Variants in NEK1 observed in about 807,000 individuals in gnomAD.
The protein encoded by NEK1 is NIMA related kinase 1.
In NEK1, 137 loss-of-function variants were observed where a neutral mutation model predicts 182.1. The observed-to-expected ratio is 0.75, with a 90% CI of 0.65 to 0.87. The LOEUF (loss-of-function observed/expected upper bound fraction) is 0.87, where lower values mean the gene tolerates loss of function less well. Ranked by LOEUF, NEK1 falls within the 40% of genes least tolerant of loss-of-function variation. The pLI is 0.00. For missense variants in NEK1, 1,391 were observed against 1,494.4 expected (o/e 0.93, Z 1.14); for synonymous variants, 513 against 492.2 (o/e 1.04, Z -0.56).
intron 27 of NEK1, among the ~76,000 whole-genome samples, chr4:169,460,875 C>A (rs1453815897): frequency 6.6e-6 from 1 of 152,030 alleles, no homozygotes; most frequent in Non-Finnish European, 1.5e-5. Context: ...AGTCATAAGA[C>A]AAACTGTTAT....
rs1169580978 is a variant in NEK1, at chr4:169,443,268, A to G, written c.2588-5009T>C. The stretch of plus-strand genomic sequence containing the variant: ...GAGGTCAAGGCTGCAGTAAGCTGTG[A>G]TCACAGCACTGCCACTGCACTCCAG... On this transcript the variant is annotated intron_variant, in intron 27 of 35. Transcript: ENST00000507142. Among the ~76,000 whole-genome samples the G allele has an allele frequency of 2.6e-5, 4 of 151,904 alleles. 1 individual carries two copies. The highest frequency in any genetic ancestry group is 6.6e-5 in the Admixed American group (1 of 15,232).
intron 5 of NEK1, among the ~76,000 whole-genome samples, chr4:169,594,844 C>T (rs2150111444): frequency 6.6e-6 from 1 of 152,214 alleles, no homozygotes; most frequent in South Asian, 2.1e-4. Context: ...TTAGAGAAGG[C>T]CCTGGAGATT....
At chr4:169,524,356 TGGAAGGCTA>T (rs904836856) in intron 19 of NEK1, among the ~76,000 whole-genome samples, 7 of 150,318 alleles carry the variant, frequency 4.7e-5, no homozygotes, top group African/African-American at 1.7e-4. Flanking sequence ...CCCAGCTACT[TGGAAGGCTA>T]AAGCAGAATT....
chr4:169,552,276 C>T (rs1014023296), intron 18 of NEK1, among the ~76,000 whole-genome samples: 2 of 151,656 alleles, frequency 1.3e-5, no homozygotes, highest in African/African-American at 4.8e-5. Context: ...TAAAATACAG[C>T]TGTTTCAACA....
At chr4:169,576,352 GTGTATA>G (rs769457805) in intron 12 of NEK1, among the ~76,000 whole-genome samples, 2 of 152,178 alleles carry the variant, frequency 1.3e-5, no homozygotes, top group East Asian at 1.9e-4. Context: ...ATCTAAGGCT[GTGTATA>G]TGTATATGTA....
rs375583754 is a variant in NEK1 at position 169,599,181 on chromosome 4, G to A, written c.231C>T (p.Tyr77=). The A allele has an allele frequency of 6.2e-7, 1 of 1,610,834 alleles. No individual in the cohort carries two copies. The highest frequency in any genetic ancestry group is 8.5e-7 in the Non-Finnish European group (1 of 1,178,066). ...CTCCCTCACAGTAATCCATTACTAT[G>A]TAGAGAGAGCCATTTTCTACAAAAT... The part of the protein sequence containing the change: ...RESFEENGSL[Y]IVMDYCEGGD... Residue 77 remains tyrosine, a synonymous_variant, in exon 5 of 36, where the codon TAC becomes TAT. Coordinates refer to ENST00000507142, the MANE Select transcript of NEK1 (RefSeq NM_001199397.3).
At chr4:169,400,079 A>G (rs1731392735) in intron 35 of NEK1, 146 bp downstream of exon 35, 2 of 815,086 alleles carry the variant, frequency 2.5e-6, no homozygotes, top group Non-Finnish European at 2.1e-6. Flanking sequence ...GTACATGACA[A>G]AGTTAATTTT....
rs1364826306 is a variant in NEK1, at chr4:169,438,199, C to T, written c.2648G>A (p.Cys883Tyr). 5.0e-6 allele frequency: 8 copies of T among 1,586,602 alleles called. No individual in the cohort carries two copies. Among genetic ancestry groups the T allele is most frequent in the East Asian group, 2.3e-5 (1 of 44,230 alleles). Residue 883 changes from cysteine to tyrosine, a missense_variant, in exon 28 of 36, where the codon TGT (cysteine) becomes TAT (tyrosine). By Grantham distance (194) the Cys-to-Tyr change is radical (BLOSUM62 -2). Coordinates refer to ENST00000507142, the MANE Select transcript of NEK1 (RefSeq NM_001199397.3). ...PLITGEKKVQ[C>Y]ISHEINPSAI... ...TGATGGGTTTATTTCATGTGAAATA[C>T]ATTGTACTTTTTTTTCTCCAGTAAT...
chr4:169,430,234 G>C (rs1737169121), intron 29 of NEK1, among the ~76,000 whole-genome samples: 1 of 152,092 alleles, frequency 6.6e-6, no homozygotes, highest in Non-Finnish European at 1.5e-5. Flanking sequence ...CTAGGCTGGA[G>C]TACAGTGGCG....
chr4:169,490,534 G>T (rs955342790), intron 23 of NEK1, among the ~76,000 whole-genome samples: 1 of 151,934 alleles, frequency 6.6e-6, no homozygotes, highest in African/African-American at 2.4e-5. Flanking sequence ...ATGATCTTAC[G>T]GAAACTCAGG....
At chr4:169,537,557 T>C (rs1758708015) in intron 19 of NEK1, among the ~76,000 whole-genome samples, 1 of 152,170 alleles carries the variant, frequency 6.6e-6, no homozygotes, top group African/African-American at 2.4e-5. Context: ...AGGATACAGG[T>C]ATGAACTTAC....
chr4:169,451,785 T>A (rs1741829011), intron 27 of NEK1, among the ~76,000 whole-genome samples: 2 of 151,964 alleles, frequency 1.3e-5, no homozygotes, highest in Non-Finnish European at 2.9e-5. Context: ...ATAACTAAGA[T>A]CAGAGCAGAA....
intron 35 of NEK1, among the ~76,000 whole-genome samples, chr4:169,396,191 C>A (rs1401555669): frequency 1.3e-5 from 2 of 151,462 alleles, no homozygotes; most frequent in Non-Finnish European, 2.9e-5. Context: ...CATGGTGAAA[C>A]CCTGTCTCTA....
At position 169,507,730 on chromosome 4, in the gene NEK1, T is replaced by C; in HGVS notation, c.1896A>G (p.Lys632=). Residue 632 remains lysine (K), a synonymous_variant, in exon 22 of 36, where the codon AAA becomes AAG. Transcript: ENST00000507142. ...GSEEADMRRK[K]IESLKAHANA... ...TAGTCTATACCTTCAGTGATTCGAT[T>C]TTTTTGCGCCTCATGTCAGCCTCTT... 6.2e-7 allele frequency: 1 copy of C among 1,612,948 alleles called. No homozygotes were observed. Among genetic ancestry groups the C allele is most frequent in the Non-Finnish European group, 8.5e-7 (1 of 1,179,410 alleles).
In NEK1 at chr4:169,506,783, T is replaced by C. The variant is rs1019964178; in HGVS notation, c.2007+254A>G. 9.5e-5 allele frequency: 17 copies of C among 179,824 alleles called. No individual in the cohort carries two copies. In the East Asian group the frequency reaches 1.8e-3, roughly 19 times the overall value. The allele number at this position is 179,824 out of a possible 1,614,324, so 11.1% of individuals were successfully genotyped here. On this transcript the variant is annotated intron_variant, in intron 23 of 35. Transcript: ENST00000507142. ...AATACTCCATCTCAAAAAATAATAATAATAAATAAATAAGATAAATTAGTT... is the reference window on the plus strand; with the variant it reads ...AATACTCCATCTCAAAAAATAATAACAATAAATAAATAAGATAAATTAGTT...
At chr4:169,484,268 G>A (rs1461856415) in intron 23 of NEK1, among the ~76,000 whole-genome samples, 6 of 152,186 alleles carry the variant, frequency 3.9e-5, no homozygotes, top group African/African-American at 9.6e-5. Context: ...GGCTGGTCTC[G>A]AACTCCTGAC....
chr4:169,590,135 C>A (rs983682910), intron 6 of NEK1, among the ~76,000 whole-genome samples: 41 of 152,158 alleles, frequency 2.7e-4, no homozygotes, highest in Middle Eastern at 3.4e-3. Flanking sequence ...TGGTGAAACC[C>A]CATCTCTACT....
chr4:169,469,722 T>G (rs1168753681), intron 26 of NEK1, among the ~76,000 whole-genome samples: 2 of 152,184 alleles, frequency 1.3e-5, no homozygotes, highest in Admixed American at 1.3e-4. Flanking sequence ...AGTGGGGTGT[T>G]AAATCTCCCA....
At chr4:169,499,710 C>T (rs1307830284) in intron 23 of NEK1, among the ~76,000 whole-genome samples, 1 of 152,192 alleles carries the variant, frequency 6.6e-6, no homozygotes, top group African/African-American at 2.4e-5. Context: ...GGCTGCAGAA[C>T]AGTGGATATT....
Sources: allele counts gnomAD v4.1 joint callset (sites outside exome capture counted in the v4.1 genomes callset), GRCh38; gene constraint gnomAD v4.1.1; transcripts MANE v1.5; gene names NCBI Gene and HGNC (gene_info 2026-07-23, HGNC 2026-07-21).